The following CFAP20DC variants were observed in gnomAD, a reference collection of about 807,000 sequenced individuals.
CFAP20DC encodes the protein protein CFAP20DC.
CFAP20DC carries 84 observed loss-of-function variants against 101.7 expected under a neutral mutation model. The observed-to-expected ratio is 0.83, with a 90% CI of 0.69 to 0.99. The LOEUF (loss-of-function observed/expected upper bound fraction) is 0.99. CFAP20DC is among the 50% of genes least tolerant of loss of function. The probability of loss-of-function intolerance (pLI) is 0.00; values close to 1 mark genes in which losing one functional copy is unlikely to be tolerated. For missense variants in CFAP20DC, 1,007 were observed against 970.3 expected (o/e 1.04, Z -0.50); for synonymous variants, 359 against 351.2 (o/e 1.02, Z -0.25).
chr3:58,791,042 G>GTTGGAGTTGCCCAAT (rs1251835261), intron 15 of CFAP20DC, among the ~76,000 whole-genome samples: 5 of 152,264 alleles, frequency 3.3e-5, no homozygotes, highest in Admixed American at 3.3e-4. Context: ...ATTTCCCATG[G>GTTGGAGTTGCCCAAT]TTGGAGTTGC....
intron 4 of CFAP20DC, among the ~76,000 whole-genome samples, chr3:58,973,174 T>G (rs760468547): frequency 6.6e-6 from 1 of 152,222 alleles, no homozygotes; most frequent in African/African-American, 2.4e-5. Flanking sequence ...ATCTAGATAT[T>G]CAGCCCTAAC....
chr3:58,727,418 C>T (rs2067568709), intron 3 of CFAP20DC: 1 of 152,226 alleles, frequency 6.6e-6, no homozygotes, highest in Non-Finnish European at 1.5e-5. Context: ...TTCATGTGCC[C>T]ACAGTTACAC....
rs993141161 is a variant in CFAP20DC, at chr3:59,001,479, C to T, written c.278+38078G>A. On this transcript the variant is annotated intron_variant, in intron 4 of 16. Coordinates refer to ENST00000482387, the MANE Select transcript of CFAP20DC (RefSeq NM_001394063.1). This position sits in a 1 kb window ranked among gnomAD's most constrained non-coding sequence, Gnocchi z 4.5. ...GAGTGCAATGGCTCAATCTCAGCCTCGATCTCACCCCAACCTCCGCCTCCC... is the reference window on the plus strand; with the variant it reads ...GAGTGCAATGGCTCAATCTCAGCCTTGATCTCACCCCAACCTCCGCCTCCC... Among the ~76,000 whole-genome samples, 8 of 152,092 alleles carry T rather than the reference C, an allele frequency of 5.3e-5. No individual in the cohort carries two copies. The highest frequency in any genetic ancestry group is 7.4e-5 in the Non-Finnish European group (5 of 68,022).
chr3:58,944,431 G>T (rs1360630145), intron 4 of CFAP20DC, among the ~76,000 whole-genome samples: 1 of 152,190 alleles, frequency 6.6e-6, no homozygotes, highest in Non-Finnish European at 1.5e-5. Context: ...TATACAGTTA[G>T]TAAGTAGCAG....
chr3:58,809,688 G>T (rs987097344), intron 14 of CFAP20DC, among the ~76,000 whole-genome samples: 1 of 152,150 alleles, frequency 6.6e-6, no homozygotes, highest in Non-Finnish European at 1.5e-5. Flanking sequence ...CAGAAGGCAA[G>T]ACATAACTAA....
At chr3:58,852,643 C>A (rs2078357006) in intron 12 of CFAP20DC, among the ~76,000 whole-genome samples, 5 of 149,698 alleles carry the variant, frequency 3.3e-5, no homozygotes, top group African/African-American at 9.8e-5. Context: ...TCTCTCAGAC[C>A]ACAGTGCAAT....
At chr3:58,734,331 G>A in intron 3 of CFAP20DC, 1 of 296,884 alleles carries the variant, frequency 3.4e-6, no homozygotes, top group Non-Finnish European at 6.7e-6. Flanking sequence ...CACTAACACA[G>A]TATGTATGTG....
intron 4 of CFAP20DC, among the ~76,000 whole-genome samples, chr3:58,982,798 G>A (rs2092614029): frequency 1.3e-5 from 2 of 151,734 alleles, no homozygotes; most frequent in African/African-American, 2.4e-5. Flanking sequence ...CATGGCACAT[G>A]TATACATATG....
intron 4 of CFAP20DC, among the ~76,000 whole-genome samples, chr3:59,030,925 G>A (rs183031243): frequency 3.3e-5 from 5 of 152,152 alleles, no homozygotes; most frequent in Admixed American, 1.3e-4. Flanking sequence ...CCGGGTTCAC[G>A]CCATTCTCCT....
At chr3:58,926,163 A>G (rs1440594305) in intron 5 of CFAP20DC, among the ~76,000 whole-genome samples, 5 of 151,884 alleles carry the variant, frequency 3.3e-5, no homozygotes, top group Non-Finnish European at 5.9e-5. Flanking sequence ...GTCAGGAGTT[A>G]GAGACCAGCC....
At chr3:58,982,229 G>C (rs2092580355) in intron 4 of CFAP20DC, among the ~76,000 whole-genome samples, 1 of 152,172 alleles carries the variant, frequency 6.6e-6, no homozygotes, top group Non-Finnish European at 1.5e-5. Flanking sequence ...AGAGGATGTG[G>C]AGAAATAGGA....
intron 14 of CFAP20DC, among the ~76,000 whole-genome samples, chr3:58,828,292 A>G (rs2076176240): frequency 6.6e-6 from 1 of 152,182 alleles, no homozygotes; most frequent in South Asian, 2.1e-4. Context: ...TTAAGTACTT[A>G]TGTCTCAGAT....
intron 3 of CFAP20DC, among the ~76,000 whole-genome samples, chr3:59,045,337 C>T (rs17060061): frequency 0.019 from 2,908 of 151,138 alleles, 83 homozygotes; most frequent in African/African-American, 0.065. Context: ...GGTAGGTATT[C>T]GATAAATGTT....
intron 3 of CFAP20DC, among the ~76,000 whole-genome samples, chr3:59,041,210 A>G (rs1331285952): frequency 1.3e-5 from 2 of 152,116 alleles, no homozygotes; most frequent in African/African-American, 2.4e-5. Context: ...AATTTATGTC[A>G]CAAATCTCAC....
chr3:58,752,341 C>T (rs1332162550), intron 16 of CFAP20DC, among the ~76,000 whole-genome samples: 1 of 152,068 alleles, frequency 6.6e-6, no homozygotes, highest in Non-Finnish European at 1.5e-5. Context: ...AGAAGGGATG[C>T]TTGATCTGGA....
chr3:58,833,204 G>A (rs1301687134), intron 13 of CFAP20DC, among the ~76,000 whole-genome samples: 1 of 152,162 alleles, frequency 6.6e-6, no homozygotes, highest in Non-Finnish European at 1.5e-5. Context: ...ATAATGTGAT[G>A]TGGAGACTTC....
downstream of CFAP20DC, among the ~76,000 whole-genome samples, chr3:58,737,877 G>A (rs762383333): frequency 6.6e-6 from 1 of 152,302 alleles, no homozygotes; most frequent in Non-Finnish European, 1.5e-5. The surrounding 1 kb of genome is among the most constrained non-coding windows in gnomAD (Gnocchi z 4.1). Context: ...TTCCGGGTTT[G>A]TGATGTCCAT....
intron 4 of CFAP20DC, among the ~76,000 whole-genome samples, chr3:58,968,400 A>G (rs2091729793): frequency 6.6e-6 from 1 of 152,116 alleles, no homozygotes; most frequent in Non-Finnish European, 1.5e-5. Context: ...AACAATAGCC[A>G]TTCTGAGTGG....
chr3:58,800,329 G>A (rs1236631191), intron 15 of CFAP20DC, among the ~76,000 whole-genome samples: 1 of 152,192 alleles, frequency 6.6e-6, no homozygotes, highest in Non-Finnish European at 1.5e-5. Context: ...ACAGAGAAAA[G>A]AGGCTGGATT....
Sources: allele counts gnomAD v4.1 joint callset (sites outside exome capture counted in the v4.1 genomes callset), GRCh38; gene constraint gnomAD v4.1.1; non-coding constraint Gnocchi (gnomAD v3.1); transcripts MANE v1.5; gene names NCBI Gene and HGNC (gene_info 2026-07-23, HGNC 2026-07-21).